Variants in CHD2 observed in about 807,000 individuals in gnomAD.
CHD2 encodes chromodomain helicase DNA binding protein 2.
CHD2 carries 28 observed loss-of-function variants against 243.9 expected under a neutral mutation model. The observed-to-expected ratio is 0.11, with a 90% confidence interval of 0.09 to 0.16. The LOEUF is 0.16. CHD2 is among the 10% of genes least tolerant of loss of function. The pLI, the probability that CHD2 is intolerant of heterozygous loss-of-function variation, is 1.00. For missense variants in CHD2, 1,386 were observed against 2,209.8 expected, an observed-to-expected ratio of 0.63 and a Z score of 7.47; for synonymous variants, 775 against 779.0, an observed-to-expected ratio of 0.99 and a Z score of 0.09.
At chr15:92,913,420 C>T (rs1359889933) in intron 2 of CHD2, among the ~76,000 whole-genome samples, 2 of 152,152 alleles carry the variant, frequency 1.3e-5, no homozygotes. Flanking sequence ...TTCCATTACC[C>T]TGGACATTTT....
intron 22 of CHD2, among the ~76,000 whole-genome samples, chr15:92,980,019 T>G (rs1596430267): frequency 6.8e-6 from 1 of 147,096 alleles, no homozygotes; most frequent in East Asian, 2.0e-4. Flanking sequence ...TCTTCTGTGG[T>G]GGTGTTTCAG....
At chr15:92,921,640 G>A (rs530982994) in intron 2 of CHD2, among the ~76,000 whole-genome samples, 2 of 152,212 alleles carry the variant, frequency 1.3e-5, no homozygotes. Flanking sequence ...TCACTAATGG[G>A]TGTTAGCTGG....
At chr15:93,024,315 G>C (rs1206762311) in intron 38 of CHD2, 57 bp from the exon 39 acceptor site, 1 of 1,502,434 alleles carries the variant, frequency 6.7e-7, no homozygotes, top group Non-Finnish European at 9.1e-7. Context: ...GTAGTGAAGA[G>C]AAGTGGATGG....
chr15:92,930,305 C>T (rs1007323600), intron 5 of CHD2, among the ~76,000 whole-genome samples: 2 of 152,168 alleles, frequency 1.3e-5, no homozygotes, highest in Non-Finnish European at 2.9e-5. Context: ...TTAAATGGTG[C>T]TATGCTTGAA....
At chr15:92,915,006 G>A (rs917061153) in intron 2 of CHD2, 2 of 152,164 alleles carry the variant, frequency 1.3e-5, no homozygotes, top group African/African-American at 4.8e-5. Context: ...CTGAAGGTAA[G>A]GTAAACAATT....
At position 93,024,825 on chromosome 15, in the gene CHD2, A is replaced by G. The variant is rs1596464118; in HGVS notation, c.*120A>G. 1.2e-6 allele frequency: 1 copy of G among 840,580 alleles called. No individual in the cohort carries two copies. The highest frequency in any genetic ancestry group is 1.8e-6 in the Non-Finnish European group (1 of 550,426). 52.1% of individuals were successfully genotyped at this position (840,580 alleles called of 1,614,324 possible). A position where few individuals can be genotyped will look rare whatever the true frequency, so the allele number is the denominator to read the frequency against. The stretch of plus-strand genomic sequence containing the variant: ...AGTTTTGGACATGCTGCTGCTGTCA[A>G]CTCACTGGCTGAAGGAGCACTTCAA... On this transcript the variant is annotated 3_prime_UTR_variant, in exon 39 of 39. Transcript: ENST00000394196.
chr15:92,932,936 T>C (rs2141763873), intron 5 of CHD2, among the ~76,000 whole-genome samples: 1 of 152,136 alleles, frequency 6.6e-6, no homozygotes, highest in East Asian at 1.9e-4. Context: ...AGACATGGGG[T>C]TTCACCATGT....
intron 2 of CHD2, among the ~76,000 whole-genome samples, chr15:92,905,464 G>A (rs1171788916): frequency 6.6e-6 from 1 of 152,188 alleles, no homozygotes; most frequent in East Asian, 1.9e-4. Context: ...TGCCATACTA[G>A]AGTTTTTTTA....
At chr15:92,919,073 C>T (rs898140981) in intron 2 of CHD2, among the ~76,000 whole-genome samples, 2 of 151,994 alleles carry the variant, frequency 1.3e-5, no homozygotes, top group Non-Finnish European at 2.9e-5. Flanking sequence ...CCAGGCTGGT[C>T]TTGAACTCCT....
intron 16 of CHD2, among the ~76,000 whole-genome samples, chr15:92,962,071 G>T (rs933727997): frequency 6.6e-6 from 1 of 151,516 alleles, no homozygotes; most frequent in African/African-American, 2.4e-5. Flanking sequence ...TAGTAGAGAC[G>T]AGGTTTCACC....
intron 2 of CHD2, among the ~76,000 whole-genome samples, chr15:92,920,274 G>A (rs1167254972): frequency 6.6e-6 from 1 of 152,184 alleles, no homozygotes; most frequent in Non-Finnish European, 1.5e-5. Context: ...TATGGTTACA[G>A]TCAACAGTTT....
At chr15:92,922,621 G>A (rs1198151280) in intron 2 of CHD2, among the ~76,000 whole-genome samples, 1 of 152,146 alleles carries the variant, frequency 6.6e-6, no homozygotes, top group Non-Finnish European at 1.5e-5. Flanking sequence ...TTCAGGTTTT[G>A]TGCCACGTGT....
rs1001746400 is a variant in CHD2, at chr15:92,980,831, A to G, written c.2893A>G (p.Lys965Glu). 1 of 1,613,058 alleles carries G rather than the reference A, an allele frequency of 6.2e-7. No homozygotes were observed. Among genetic ancestry groups the G allele is most frequent in the Non-Finnish European group, 8.5e-7 (1 of 1,179,320 alleles). The change falls in exon 23 of 39, where the codon AAA (lysine) becomes GAA (glutamate). Residue 965 changes from lysine to glutamate, a missense_variant. Around this residue, in one of 19 missense-constraint regions of CHD2, gnomAD observed 99 missense variants for 206.4 expected, o/e 0.48. Coordinates refer to ENST00000394196, the MANE Select transcript of CHD2 (RefSeq NM_001271.4). Reference sequence around the variant, plus strand: ...CTTCCACAGCTCAAATCCTTTTAATAAAGAAGAGCTGACAGCTATTTTGAA... The same window carrying G: ...CTTCCACAGCTCAAATCCTTTTAATGAAGAAGAGCTGACAGCTATTTTGAA... ...SGRSNSNPFN[K>E]EELTAILKFG...
chr15:93,022,577 T>C (rs1197432918), intron 38 of CHD2, among the ~76,000 whole-genome samples: 1 of 152,228 alleles, frequency 6.6e-6, no homozygotes, highest in Non-Finnish European at 1.5e-5. Context: ...CGGGTGGTCC[T>C]TTCCCTGGCC....
intron 26 of CHD2, among the ~76,000 whole-genome samples, chr15:92,988,663 G>A (rs1027731328): frequency 3.3e-5 from 5 of 151,822 alleles, no homozygotes; most frequent in African/African-American, 9.7e-5. Context: ...CTTTTTTTCT[G>A]TTTCTCACGT....
At chr15:92,990,303 T>A (rs2054100414) in intron 26 of CHD2, among the ~76,000 whole-genome samples, 1 of 152,214 alleles carries the variant, frequency 6.6e-6, no homozygotes, top group Admixed American at 6.5e-5. Flanking sequence ...GTCATGCAGC[T>A]GGGGTTAAGG....
In CHD2 at chr15:92,965,565, CAAAAA is replaced by C. The variant is rs61447848; in HGVS notation, c.2001-1734_2001-1730del. 8.1e-3 allele frequency among the ~76,000 whole-genome samples: 903 copies of C among 111,006 alleles called. 12 individuals carry two copies. The highest frequency in any genetic ancestry group is 0.034 in the African/African-American group (753 of 22,410). 72.8% of individuals were successfully genotyped at this position (111,006 alleles called of 152,430 possible). Reference sequence around the variant, plus strand: ...GGCGACAGAGCCGAGACTCTTTCTCCAAAAAAAAAAAAAAAAAAAAAAAAAAAAAA... The same window carrying C: ...GGCGACAGAGCCGAGACTCTTTCTCCAAAAAAAAAAAAAAAAAAAAAAAAA... On this transcript the variant is annotated intron_variant, in intron 16 of 38. Transcript: ENST00000394196.
intron 2 of CHD2, among the ~76,000 whole-genome samples, chr15:92,912,147 GT>G (rs200427840): frequency 1.3e-5 from 2 of 151,236 alleles, no homozygotes; most frequent in South Asian, 2.1e-4. Context: ...CTTCAAGTTT[GT>G]TTTTTTTTGT....
intron 2 of CHD2, among the ~76,000 whole-genome samples, chr15:92,909,966 G>GTGTA (rs1420379240): frequency 8.1e-6 from 1 of 124,046 alleles, no homozygotes; most frequent in African/African-American, 2.9e-5. Context: ...GTGTGTGTGT[G>GTGTA]TGTATGTATA....
Sources: gnomAD v4.1 joint callset for allele counts (sites outside exome capture counted in the v4.1 genomes callset) on GRCh38, gnomAD v4.1.1 for gene constraint, gnomAD v4.1.1 regional missense constraint, MANE v1.5 for transcripts, NCBI Gene and HGNC (gene_info 2026-07-23, HGNC 2026-07-21) for gene names.